Variants in CLU observed in about 807,000 individuals in gnomAD.
CLU encodes the protein clusterin.
Under a neutral mutation model 46.4 loss-of-function variants are expected in CLU, and 25 were observed. The ratio of observed to expected loss-of-function variants is 0.54; its 90% CI spans 0.39 to 0.75. CLU has a LOEUF of 0.75. Among genes scored for constraint, CLU ranks in the 30% least tolerant of loss-of-function variants. CLU has a pLI of 0.00. For synonymous variants in CLU, 235 were observed against 235.1 expected, an observed-to-expected ratio of 1.00 and a Z score of 0.00; for missense variants, 504 against 592.1, an observed-to-expected ratio of 0.85 and a Z score of 1.54.
chr8:27,603,539 G>A (rs1800758814), intron 6 of CLU, among the ~76,000 whole-genome samples: 1 of 152,190 alleles, frequency 6.6e-6, no homozygotes, highest in Non-Finnish European at 1.5e-5. Context: ...TGTCACAGCT[G>A]TTATCTCTAA....
chr8:27,597,560 C>G lies in CLU; in HGVS notation c.*681G>C, dbSNP rs1379496751. On this transcript the variant is annotated 3_prime_UTR_variant, in exon 9 of 9. Coordinates refer to ENST00000316403, the MANE Select transcript of CLU (RefSeq NM_001831.4). ...TTACAAATAAAACTGATAATTTGGA[C>G]TTCTGGGCACCAAATGTTTTCATAA... 2.2e-6 allele frequency: 1 copy of G among 454,098 alleles called. No individual in the cohort carries two copies. Among genetic ancestry groups the G allele is most frequent in the Admixed American group, 2.3e-5 (1 of 42,576 alleles). The allele number at this position is 454,098 out of a possible 1,614,324, so 28.1% of individuals were successfully genotyped here.
At chr8:27,600,933 A>G (rs1440715048) in intron 6 of CLU, among the ~76,000 whole-genome samples, 1 of 152,244 alleles carries the variant, frequency 6.6e-6, no homozygotes, top group East Asian at 1.9e-4. Flanking sequence ...GTATCAATAA[A>G]TAGCTTACCT....
chr8:27,598,699 A>G (rs1029921683), intron 7 of CLU, 64 bp from the exon 8 acceptor site: 3 of 1,523,836 alleles, frequency 2.0e-6, no homozygotes, highest in Admixed American at 1.7e-5. Flanking sequence ...GCGCTCTGCA[A>G]CAGAAGTCAG....
intron 3 of CLU, 113 bp downstream of exon 3, chr8:27,608,825 C>G (rs1800868982): frequency 9.0e-7 from 1 of 1,110,694 alleles, no homozygotes. Context: ...GCTGACACAG[C>G]CTGGGAGGAC....
chr8:27,608,266 C>A (rs558709791), intron 3 of CLU, among the ~76,000 whole-genome samples: 17 of 152,206 alleles, frequency 1.1e-4, no homozygotes, highest in Admixed American at 5.9e-4. Flanking sequence ...GGTTTCTTTA[C>A]GGCAGAACTT....
chr8:27,614,576 T>G (rs1800980625), intron 1 of CLU, 79 bp downstream of exon 1: 1 of 442,272 alleles, frequency 2.3e-6, no homozygotes, highest in South Asian at 1.7e-5. Flanking sequence ...CATCCCTCTC[T>G]GCCTGGCTGC....
chr8:27,600,037 G>T, intron 6 of CLU, 28 bp from the exon 7 acceptor site: 1 of 1,558,066 alleles, frequency 6.4e-7, no homozygotes, highest in South Asian at 1.1e-5. Context: ...AAACGCAAGT[G>T]AGAAGTGTGA....
intron 3 of CLU, 194 bp downstream of exon 3, chr8:27,608,744 A>G (rs1800866745): frequency 1.5e-6 from 1 of 654,106 alleles, no homozygotes; most frequent in Non-Finnish European, 2.7e-6. Flanking sequence ...AACCAGATCC[A>G]AGATCTCACT....
At chr8:27,614,544 G>A (rs1473353328) in intron 1 of CLU, 111 bp downstream of exon 1, 3 of 378,344 alleles carry the variant, frequency 7.9e-6, no homozygotes, top group Non-Finnish European at 1.6e-5. Flanking sequence ...GAAAGCGCAG[G>A]GGTTGTGACT....
At chr8:27,614,502 C>T in intron 1 of CLU, 153 bp downstream of exon 1, 2 of 353,564 alleles carry the variant, frequency 5.7e-6, no homozygotes, top group South Asian at 4.6e-5. Context: ...GGGCTCCGGC[C>T]ACCTCCCCTC....
At chr8:27,606,654 G>A in intron 3 of CLU, 130 bp from the exon 4 acceptor site, 1 of 1,003,708 alleles carries the variant, frequency 1.0e-6, no homozygotes, top group Non-Finnish European at 1.6e-6. Flanking sequence ...GCATGCAAGT[G>A]CCTACCCTTG....
rs1800873876 is a variant in CLU, at chr8:27,608,995, T to G, written c.189A>C (p.Thr63=). 1.2e-6 allele frequency: 2 copies of G among 1,614,270 alleles called. No individual in the cohort carries two copies. The highest frequency in any genetic ancestry group is 4.5e-5 in the East Asian group (2 of 44,892). Reference sequence around the variant, plus strand: ...TGAGCAGTGTCTTGCGCTCTTCGTTTGTTTTTTCTATGAGAGTCTTTATCT... The same window carrying G: ...TGAGCAGTGTCTTGCGCTCTTCGTTGGTTTTTTCTATGAGAGTCTTTATCT... ...VKQIKTLIEK[T]NEERKTLLSN... is the part of the protein sequence containing the mutation. Residue 63 remains threonine (T), a synonymous_variant, in exon 3 of 9, where the codon ACA becomes ACC. Transcript: ENST00000316403.
intron 5 of CLU, 50 bp downstream of exon 5, chr8:27,604,874 C>T (rs369946254): frequency 5.6e-6 from 9 of 1,598,972 alleles, no homozygotes; most frequent in Non-Finnish European, 7.7e-6. Flanking sequence ...GCATGGTTCT[C>T]AGCATCTAAC....
intron 1 of CLU, chr8:27,610,932 A>C: frequency 7.9e-6 from 3 of 377,652 alleles, no homozygotes; most frequent in South Asian, 4.3e-5. Flanking sequence ...GGCTTTCTGC[A>C]TCCTGGCCTC....
intron 6 of CLU, among the ~76,000 whole-genome samples, chr8:27,600,549 C>T (rs139258816): frequency 5.3e-4 from 80 of 152,300 alleles, no homozygotes; most frequent in Middle Eastern, 3.4e-3. Context: ...TGGAAAAATA[C>T]GCCAACTGAC....
Position 27,598,233 on chromosome 8 carries a change from T to G in CLU, c.*8A>C. ...TGCCCCCGTAGGTGCAAAAGCAACA[T>G]CCACATCTCACTCCTCCCTGAAATA... On this transcript the variant is annotated 3_prime_UTR_variant, in exon 9 of 9. Coordinates refer to ENST00000316403, the MANE Select transcript of CLU (RefSeq NM_001831.4). 1 of 1,613,878 alleles carries G rather than the reference T, an allele frequency of 6.2e-7. No homozygotes were observed. The highest frequency in any genetic ancestry group is 8.5e-7 in the Non-Finnish European group (1 of 1,179,902).
chr8:27,612,234 C>T (rs530912089), intron 1 of CLU, among the ~76,000 whole-genome samples: 1 of 152,290 alleles, frequency 6.6e-6, no homozygotes, highest in African/African-American at 2.4e-5. Flanking sequence ...GAGTCCACAG[C>T]ATGCTCATGG....
chr8:27,613,872 G>A (rs1330187774), intron 1 of CLU: 5 of 151,840 alleles, frequency 3.3e-5, no homozygotes, highest in Non-Finnish European at 5.9e-5. Flanking sequence ...TAACCTCTCC[G>A]TTTAAAAAAT....
intron 2 of CLU, among the ~76,000 whole-genome samples, chr8:27,609,822 G>C (rs2128910112): frequency 6.6e-6 from 1 of 152,278 alleles, no homozygotes; most frequent in South Asian, 2.1e-4. Context: ...ATCATAACTG[G>C]AAATTTGCTA....
Sources: allele counts gnomAD v4.1 joint callset (sites outside exome capture counted in the v4.1 genomes callset), GRCh38; gene constraint gnomAD v4.1.1; transcripts MANE v1.5; gene names NCBI Gene and HGNC (gene_info 2026-07-23, HGNC 2026-07-21).